KCNN2: variants seen among roughly 807,000 people sequenced by gnomAD.
The protein encoded by KCNN2 is potassium calcium-activated channel subfamily N member 2.
In KCNN2, 24 loss-of-function variants were observed where a neutral mutation model predicts 55.5. The observed-to-expected ratio is 0.43, with a 90% CI of 0.31 to 0.61. The LOEUF (loss-of-function observed/expected upper bound fraction) is 0.61. Ranked by LOEUF, KCNN2 falls within the 20% of genes least tolerant of loss-of-function variation. The probability of loss-of-function intolerance (pLI) is 0.08; values close to 1 mark genes in which losing one functional copy is unlikely to be tolerated. For synonymous variants in KCNN2, 431 were observed against 336.1 expected, an observed-to-expected ratio of 1.28 and a Z score of -3.09; for missense variants, 754 against 853.6, an observed-to-expected ratio of 0.88 and a Z score of 1.45.
At chr5:114,286,065 A>G (rs2061329) in intron 2 of KCNN2, among the ~76,000 whole-genome samples, 42,733 of 151,564 alleles carry the variant, frequency 0.28, 6,398 homozygotes, top group African/African-American at 0.36. Flanking sequence ...GATTACAGGC[A>G]TGTGCCACCA....
At chr5:114,230,053 A>G (rs1754324531) in intron 2 of KCNN2, among the ~76,000 whole-genome samples, 1 of 152,212 alleles carries the variant, frequency 6.6e-6, no homozygotes, top group Non-Finnish European at 1.5e-5. Context: ...CAAACACACA[A>G]TAGAAGTTAA....
intron 5 of KCNN2, among the ~76,000 whole-genome samples, chr5:114,474,301 T>C: frequency 6.6e-6 from 1 of 152,202 alleles, no homozygotes; most frequent in East Asian, 1.9e-4. Context: ...CTGCTCATGC[T>C]AAGTCTTACC....
intron 1 of KCNN2, among the ~76,000 whole-genome samples, chr5:114,166,279 C>A (rs946009976): frequency 6.6e-6 from 1 of 152,114 alleles, no homozygotes; most frequent in African/African-American, 2.4e-5. Flanking sequence ...GTATTTGTTT[C>A]TTTGGTATTT....
chr5:114,117,183 A>G (rs1405578423), intron 1 of KCNN2, among the ~76,000 whole-genome samples: 1 of 152,190 alleles, frequency 6.6e-6, no homozygotes, highest in Non-Finnish European at 1.5e-5. Flanking sequence ...ATAGCCAGAT[A>G]GACACAGACC....
chr5:114,292,433 A>G (rs1580699846), intron 2 of KCNN2, among the ~76,000 whole-genome samples: 1 of 152,300 alleles, frequency 6.6e-6, no homozygotes, highest in Non-Finnish European at 1.5e-5. Flanking sequence ...TCCCAGCACC[A>G]TTTGTTAAAT....
chr5:114,383,289 TGTA>T (rs1352790664), intron 2 of KCNN2, among the ~76,000 whole-genome samples: 1 of 152,120 alleles, frequency 6.6e-6, no homozygotes, highest in African/African-American at 2.4e-5. Context: ...CTCTCATTCA[TGTA>T]GTATTTGGTG....
chr5:114,475,097 C>CAAAG (rs1186681794), intron 5 of KCNN2, among the ~76,000 whole-genome samples: 2 of 151,958 alleles, frequency 1.3e-5, no homozygotes, highest in Admixed American at 6.6e-5. Flanking sequence ...TTAGAAAAGA[C>CAAAG]AAAGACTTTG....
At chr5:114,410,880 A>G (rs1364923031) in intron 3 of KCNN2, among the ~76,000 whole-genome samples, 2 of 152,172 alleles carry the variant, frequency 1.3e-5, no homozygotes, top group Non-Finnish European at 2.9e-5. Flanking sequence ...TGTATTAACT[A>G]GGTATCATTT....
intron 2 of KCNN2, among the ~76,000 whole-genome samples, chr5:114,228,113 A>G (rs1386572016): frequency 6.6e-6 from 1 of 152,140 alleles, no homozygotes; most frequent in Non-Finnish European, 1.5e-5. Context: ...TGAATTATGA[A>G]AAACAATGAC....
At chr5:114,057,545 C>G (rs1750237890) in intron 1 of KCNN2, among the ~76,000 whole-genome samples, 1 of 152,138 alleles carries the variant, frequency 6.6e-6, no homozygotes, top group African/African-American at 2.4e-5. Flanking sequence ...CTAGGAGATG[C>G]AACAGTGGAC....
chr5:114,128,260 G>A (rs751340457), intron 1 of KCNN2, among the ~76,000 whole-genome samples: 48 of 152,276 alleles, frequency 3.2e-4, no homozygotes, highest in Non-Finnish European at 4.3e-4. Context: ...ACAGTTCAGC[G>A]TGGCTGGGGA....
chr5:114,434,746 C>T (rs1021464352), intron 3 of KCNN2, among the ~76,000 whole-genome samples: 1 of 152,050 alleles, frequency 6.6e-6, no homozygotes, highest in Non-Finnish European at 1.5e-5. Flanking sequence ...GGTTTTTTTC[C>T]TCTCCCATTT....
Position 114,204,810 on chromosome 5 carries a change from C to CT in KCNN2, c.-270-16667dup, listed in dbSNP as rs139148998. 2.6e-3 allele frequency among the ~76,000 whole-genome samples: 391 copies of CT among 152,256 alleles called. 1 individual carries two copies. Among genetic ancestry groups the CT allele is most frequent in the African/African-American group, 9.1e-3 (379 of 41,540 alleles). On this transcript the variant is annotated intron_variant, in intron 1 of 10. Coordinates refer to the KCNN2 transcript ENST00000512097. ...AGACATGTAAGTTGGGAAAAATATA[C>CT]TTTGTTTTGTTAATCCACTGAGATT...
chr5:114,439,003 CATT>C (rs1439712134), intron 3 of KCNN2, among the ~76,000 whole-genome samples: 1 of 152,100 alleles, frequency 6.6e-6, no homozygotes, highest in Non-Finnish European at 1.5e-5. Context: ...TTAACTTAGA[CATT>C]ATAGTGCATG....
intron 2 of KCNN2, among the ~76,000 whole-genome samples, chr5:114,243,568 G>T (rs1490395209): frequency 6.6e-6 from 1 of 152,102 alleles, no homozygotes; most frequent in Non-Finnish European, 1.5e-5. Flanking sequence ...TTGTGTTCAA[G>T]TCAACTTTAT....
intron 5 of KCNN2, among the ~76,000 whole-genome samples, chr5:114,485,534 C>T (rs55734739): frequency 6.6e-6 from 1 of 152,164 alleles, no homozygotes; most frequent in Non-Finnish European, 1.5e-5. Flanking sequence ...TCCCGGCTGT[C>T]TGAGGAAGTG....
chr5:114,206,355 A>G (rs1239183914), intron 1 of KCNN2, among the ~76,000 whole-genome samples: 2 of 151,988 alleles, frequency 1.3e-5, no homozygotes, highest in Non-Finnish European at 2.9e-5. Flanking sequence ...GAGTGTTTCC[A>G]TTTGCTAGTT....
chr5:114,059,631 G>GAA (rs1750285018), intron 1 of KCNN2, among the ~76,000 whole-genome samples: 1 of 152,214 alleles, frequency 6.6e-6, no homozygotes, highest in African/African-American at 2.4e-5. Flanking sequence ...TGCTGCTGGT[G>GAA]TCTGAAGGCT....
chr5:114,145,764 T>A (rs547096031), intron 1 of KCNN2, among the ~76,000 whole-genome samples: 1 of 152,078 alleles, frequency 6.6e-6, no homozygotes, highest in East Asian at 1.9e-4. Context: ...CCAATATGTA[T>A]AGTTTTTAAC....
Sources: gnomAD v4.1 joint callset for allele counts (sites outside exome capture counted in the v4.1 genomes callset) on GRCh38, gnomAD v4.1.1 for gene constraint, MANE v1.5 for transcripts, NCBI Gene and HGNC (gene_info 2026-07-23, HGNC 2026-07-21) for gene names.